Variants in LINC02747 observed in about 807,000 individuals in gnomAD.
LINC02747 encodes the protein CCND1-upstream intergenic DNA repair 2.
chr11:69,481,058 G>A (rs1320588982), intron 1 of LINC02747, among the ~76,000 whole-genome samples: 1 of 152,192 alleles, frequency 6.6e-6, no homozygotes, highest in African/African-American at 2.4e-5. Context: ...GGCTGTGCTG[G>A]CAATGCTGCA....
At chr11:69,478,286 G>T (rs951341530) in intron 1 of LINC02747, among the ~76,000 whole-genome samples, 1 of 152,146 alleles carries the variant, frequency 6.6e-6, no homozygotes, top group Non-Finnish European at 1.5e-5. Flanking sequence ...AGGCTGGAAA[G>T]TTGCTGCTTG....
chr11:69,479,158 G>A (rs1370764820), intron 1 of LINC02747, among the ~76,000 whole-genome samples: 2 of 150,682 alleles, frequency 1.3e-5, no homozygotes, highest in Non-Finnish European at 2.9e-5. Context: ...GGGAGGCTGA[G>A]GCAGGAGAAT....
At chr11:69,477,714 C>T (rs1005783798) in intron 1 of LINC02747, 1 of 152,246 alleles carries the variant, frequency 6.6e-6, no homozygotes, top group Admixed American at 6.5e-5. Flanking sequence ...TAGCCAGCAC[C>T]CTGCACCCTG....
At chr11:69,479,270 A>AAT (rs1208715719) in intron 1 of LINC02747, among the ~76,000 whole-genome samples, 1 of 151,154 alleles carries the variant, frequency 6.6e-6, no homozygotes, top group African/African-American at 2.4e-5. Flanking sequence ...AAAAAAAAAA[A>AAT]AAAAAAAGAG....
At chr11:69,478,126 C>T (rs1429051082) in intron 1 of LINC02747, among the ~76,000 whole-genome samples, 1 of 152,206 alleles carries the variant, frequency 6.6e-6, no homozygotes, top group African/African-American at 2.4e-5. Flanking sequence ...TGCCGCTGCT[C>T]CATAGAAAAC....
chr11:69,479,299 G>C (rs1011305305), intron 1 of LINC02747, among the ~76,000 whole-genome samples: 1 of 149,086 alleles, frequency 6.7e-6, no homozygotes, highest in East Asian at 2.0e-4. Context: ...AGAGGAGAGA[G>C]AGAGAAAAGA....
chr11:69,480,019 A>T (rs1218438699), intron 1 of LINC02747: 1 of 152,236 alleles, frequency 6.6e-6, no homozygotes, highest in Non-Finnish European at 1.5e-5. Flanking sequence ...AGTAAACATT[A>T]CTAAACTCAT....
intron 1 of LINC02747, among the ~76,000 whole-genome samples, chr11:69,478,027 C>A (rs1416293689): frequency 6.6e-6 from 1 of 152,194 alleles, no homozygotes; most frequent in African/African-American, 2.4e-5. Flanking sequence ...TCGTGCCAGG[C>A]ACTGCCCTGG....
intron 1 of LINC02747, chr11:69,477,637 G>A (rs1857008440): frequency 1.3e-5 from 2 of 152,174 alleles, no homozygotes; most frequent in Admixed American, 6.5e-5. Context: ...CAGAGGTCAA[G>A]GTTGAAGGGA....
At chr11:69,477,712 AC>A (rs1418444422) in intron 1 of LINC02747, 1 of 151,948 alleles carries the variant, frequency 6.6e-6, no homozygotes, top group Non-Finnish European at 1.5e-5. Flanking sequence ...CATAGCCAGC[AC>A]CCTGCACCCT....
chr11:69,477,920 A>G (rs531804548), intron 1 of LINC02747, among the ~76,000 whole-genome samples: 40 of 152,310 alleles, frequency 2.6e-4, no homozygotes, highest in African/African-American at 9.4e-4. Context: ...CAGAGCATCC[A>G]ACCATGTGCA....
chr11:69,481,258 G>C (rs932257984), intron 1 of LINC02747, among the ~76,000 whole-genome samples: 6 of 152,164 alleles, frequency 3.9e-5, no homozygotes, highest in Admixed American at 3.9e-4. Flanking sequence ...CATTAGAATG[G>C]GGCTTGTGAT....
Position 69,480,635 on chromosome 11 carries a change from T to A in LINC02747, n.120+791A>T, listed in dbSNP as rs1360675122. On this transcript the variant is annotated intron_variant and non_coding_transcript_variant, in intron 1 of 1. Coordinates refer to ENST00000645449, the Ensembl canonical transcript of LINC02747. ...TTCTCTGTGAAACAGTTAGGAAATG[T>A]CTGCAGACATCATCATCCGGACTCA... is the stretch of plus-strand genomic sequence containing the variant. Among the ~76,000 whole-genome samples, 55 of 152,194 alleles carry A rather than the reference T, an allele frequency of 3.6e-4. 1 individual carries two copies. The highest frequency in any genetic ancestry group is 3.6e-3 in the Admixed American group (55 of 15,282).
At chr11:69,481,330 C>T (rs1460963736) in intron 1 of LINC02747, 1 of 152,292 alleles carries the variant, frequency 6.6e-6, no homozygotes, top group Non-Finnish European at 1.5e-5. Context: ...CCTGGGACCT[C>T]AGATACACTC....
chr11:69,477,054 T>C (rs2134960416), exon 2 of LINC02747: 1 of 152,348 alleles, frequency 6.6e-6, no homozygotes, highest in South Asian at 2.1e-4. Context: ...TGAGCATTCT[T>C]AACTTACACA....
In LINC02747 at chr11:69,478,228, G is replaced by A. The variant is rs368571025; in HGVS notation, n.121-615C>T. On this transcript the variant is annotated intron_variant and non_coding_transcript_variant, in intron 1 of 1. Coordinates refer to ENST00000645449, the Ensembl canonical transcript of LINC02747. ...GGCTCCCAGAGGACGAGGGTAAGCCGTGTGGGGCAGTAAGACAGGAGTAGG... is the reference window on the plus strand; with the variant it reads ...GGCTCCCAGAGGACGAGGGTAAGCCATGTGGGGCAGTAAGACAGGAGTAGG... Among the ~76,000 whole-genome samples, 26 of 152,316 alleles carry A rather than the reference G, an allele frequency of 1.7e-4. No individual in the cohort carries two copies. In the East Asian group the frequency reaches 2.3e-3, roughly 14 times the overall value.
chr11:69,478,323 C>A (rs1252121548), intron 1 of LINC02747, among the ~76,000 whole-genome samples: 1 of 152,096 alleles, frequency 6.6e-6, no homozygotes, highest in East Asian at 1.9e-4. Flanking sequence ...ACTCCCTGCA[C>A]AGGTACCGAG....
chr11:69,481,220 C>T (rs1205216141), intron 1 of LINC02747, among the ~76,000 whole-genome samples: 1 of 152,204 alleles, frequency 6.6e-6, no homozygotes, highest in Non-Finnish European at 1.5e-5. Flanking sequence ...ATCTAGCGGT[C>T]CACACATCAG....
chr11:69,477,777 G>A (rs2134961019), intron 1 of LINC02747, among the ~76,000 whole-genome samples: 1 of 152,272 alleles, frequency 6.6e-6, no homozygotes, highest in Middle Eastern at 3.4e-3. Context: ...CCACAGCCTG[G>A]GATAGGAGGG....
Sources: allele counts gnomAD v4.1 joint callset (sites outside exome capture counted in the v4.1 genomes callset), GRCh38; gene constraint gnomAD v4.1.1; transcripts MANE v1.5; gene names NCBI Gene and HGNC (gene_info 2026-07-23, HGNC 2026-07-21).